The following NCKAP1L variants were observed in gnomAD, a reference collection of about 807,000 sequenced individuals.
NCKAP1L encodes the protein NCK associated protein 1 like.
Under a neutral mutation model 139.2 loss-of-function variants are expected in NCKAP1L, and 53 were observed. The observed-to-expected ratio is 0.38, with a 90% CI of 0.31 to 0.48. The LOEUF (loss-of-function observed/expected upper bound fraction) is 0.48. Among genes scored for constraint, NCKAP1L ranks in the 20% least tolerant of loss-of-function variants. NCKAP1L has a pLI of 0.98. For synonymous variants in NCKAP1L, 468 were observed against 499.7 expected (o/e 0.94, Z 0.85); for missense variants, 1,151 against 1,381.9 (o/e 0.83, Z 2.65).
chr12:54,519,395 C>A, intron 16 of NCKAP1L, 63 bp downstream of exon 16: 1 of 1,237,996 alleles, frequency 8.1e-7, no homozygotes, highest in Non-Finnish European at 1.1e-6. Context: ...ATTTTTTTCT[C>A]CATTATGCCA....
intron 22 of NCKAP1L, among the ~76,000 whole-genome samples, chr12:54,529,586 C>A (rs935975528): frequency 1.3e-5 from 2 of 152,296 alleles, no homozygotes; most frequent in African/African-American, 4.8e-5. Context: ...TTCCCATCAT[C>A]CCGCCTCCAT....
chr12:54,539,860 T>C (rs1957143494), intron 30 of NCKAP1L, among the ~76,000 whole-genome samples: 1 of 152,190 alleles, frequency 6.6e-6, no homozygotes, highest in Admixed American at 6.5e-5. Context: ...AGGGCCTGTG[T>C]TAAACTTCTT....
chr12:54,538,558 T>C (rs1210622685), intron 29 of NCKAP1L, among the ~76,000 whole-genome samples: 1 of 152,204 alleles, frequency 6.6e-6, no homozygotes, highest in Non-Finnish European at 1.5e-5. Context: ...CAGTGGTGTC[T>C]GGAGGCTGCC....
At chr12:54,517,684 C>A (rs766975566) in intron 12 of NCKAP1L, 42 bp downstream of exon 12, 1 of 1,583,136 alleles carries the variant, frequency 6.3e-7, no homozygotes, top group Non-Finnish European at 8.7e-7. Context: ...CTTAGATGGA[C>A]TGGGGACAGG....
chr12:54,512,238 T>A, intron 9 of NCKAP1L, 133 bp downstream of exon 9: 1 of 915,460 alleles, frequency 1.1e-6, no homozygotes, highest in Non-Finnish European at 1.6e-6. Context: ...AAATATACAT[T>A]AAATACCTAC....
Position 54,520,800 on chromosome 12 carries a change from T to G in NCKAP1L, c.1732T>G (p.Cys578Gly). The G allele has an allele frequency of 6.2e-7, 1 of 1,614,190 alleles. No individual in the cohort carries two copies. Among genetic ancestry groups the G allele is most frequent in the Non-Finnish European group, 8.5e-7 (1 of 1,180,028 alleles). The change falls in exon 17 of 31, where the codon TGC (cysteine) becomes GGC (glycine). Residue 578 changes from cysteine to glycine, a missense_variant. Transcript: ENST00000293373. ...CCTGATTTGTGCTCACTTTGTCCAC[T>G]GCACTCATGAGATGTGCCCAGAGGA... ...FPLICAHFVH[C>G]THEMCPEEYP... is the part of the protein sequence containing the mutation.
At position 54,518,642 on chromosome 12, in the gene NCKAP1L, CT is replaced by C. The variant is rs1308275929; in HGVS notation, c.1339-3del. 4 of 1,613,452 alleles carry C rather than the reference CT, an allele frequency of 2.5e-6. No homozygotes were observed. On this transcript the variant is annotated splice_region_variant and splice_polypyrimidine_tract_variant and intron_variant, in intron 13 of 30. Coordinates refer to ENST00000293373, the MANE Select transcript of NCKAP1L (RefSeq NM_005337.5). ...GCCCACTTGACAGTAACTGCAGCTCCTTTTTTAGAACTTGTCTGTGTGTCCA... is the reference window on the plus strand; with the variant it reads ...GCCCACTTGACAGTAACTGCAGCTCCTTTTTAGAACTTGTCTGTGTGTCCA...
At chr12:54,540,295 C>T (rs938495102) in intron 30 of NCKAP1L, among the ~76,000 whole-genome samples, 1 of 152,120 alleles carries the variant, frequency 6.6e-6, no homozygotes, top group African/African-American at 2.4e-5. Flanking sequence ...GATATTTATG[C>T]CTTAGTTTCT....
At position 54,537,099 on chromosome 12, in the gene NCKAP1L, G is replaced by A. The variant is rs749669523; in HGVS notation, c.3183+46G>A. On this transcript the variant is annotated intron_variant, in intron 29 of 30. Coordinates refer to ENST00000293373, the MANE Select transcript of NCKAP1L (RefSeq NM_005337.5). ...AAGAATGGAAGATTGCAAAGGGCTGGAATTGGTTTGACTTAAATCTGTAGA... is the reference window on the plus strand; with the variant it reads ...AAGAATGGAAGATTGCAAAGGGCTGAAATTGGTTTGACTTAAATCTGTAGA... 40 of 1,326,286 alleles carry A rather than the reference G, an allele frequency of 3.0e-5. 1 individual carries two copies. In the South Asian group the frequency reaches 4.7e-4, roughly 16 times the overall value. The allele number at this position is 1,326,286 out of a possible 1,614,324, so 82.2% of individuals were successfully genotyped here. A position where few individuals can be genotyped will look rare whatever the true frequency, so the allele number is the denominator to read the frequency against.
At chr12:54,521,863 G>T (rs1420262053) in intron 18 of NCKAP1L, among the ~76,000 whole-genome samples, 8 of 150,806 alleles carry the variant, frequency 5.3e-5, no homozygotes, top group Admixed American at 4.0e-4. Flanking sequence ...TTTGAGTCAG[G>T]CTTGGTAAAG....
At chr12:54,535,345 A>G in intron 27 of NCKAP1L, 148 bp downstream of exon 27, 1 of 585,638 alleles carries the variant, frequency 1.7e-6, no homozygotes. Flanking sequence ...CCTAACCTTC[A>G]GAAAATACTT....
chr12:54,502,067 C>A (rs535633577), intron 3 of NCKAP1L, among the ~76,000 whole-genome samples: 24 of 150,944 alleles, frequency 1.6e-4, no homozygotes, highest in African/African-American at 6.0e-4. Flanking sequence ...ATTCTTTGAC[C>A]ATTTTTGAAT....
intron 10 of NCKAP1L, among the ~76,000 whole-genome samples, 155 bp downstream of exon 10, chr12:54,516,450 C>G (rs60294924): frequency 0.25 from 35,907 of 145,238 alleles, 4,469 homozygotes; most frequent in Non-Finnish European, 0.26. Context: ...CTTTTCTTTT[C>G]TTTTTTTTTT....
chr12:54,526,660 C>T lies in NCKAP1L; in HGVS notation c.2289C>T (p.Ser763=). The change falls in exon 21 of 31, where the codon TCC becomes TCT. Residue 763 remains serine (S), a synonymous_variant. Coordinates refer to ENST00000293373, the MANE Select transcript of NCKAP1L (RefSeq NM_005337.5). ...CCCAGTTTTTGGGTGCAGATGCTTC[C>T]AGAGTCATCCGCAACGCCCTCCTGC... ...SLAQFLGADA[S]RVIRNALLQQ... 1 of 1,614,136 alleles carries T rather than the reference C, an allele frequency of 6.2e-7. No individual in the cohort carries two copies. Among genetic ancestry groups the T allele is most frequent in the Non-Finnish European group, 8.5e-7 (1 of 1,180,036 alleles).
At chr12:54,506,796 A>AAAAAAAATATATATATATATATATAT in intron 3 of NCKAP1L, among the ~76,000 whole-genome samples, 2 of 50,606 alleles carry the variant, frequency 4.0e-5, no homozygotes, top group African/African-American at 2.2e-4. Flanking sequence ...AAAAAAAAAA[A>AAAAAAAATATATATATATATATATAT]ATATATATAT....
chr12:54,520,746 G>T lies in NCKAP1L; in HGVS notation c.1678G>T (p.Ala560Ser), dbSNP rs763224066. The T allele has an allele frequency of 6.2e-7, 1 of 1,614,010 alleles. No homozygotes were observed. The highest frequency in any genetic ancestry group is 2.2e-5 in the East Asian group (1 of 44,868). ...KMFAMTLEES[A>S]MLRYAIAFPL... ...GTTTGCCATGACCTTGGAGGAATCTGCCATGTTGCGTTATGCCATTGCTTT... is the reference window on the plus strand; with the variant it reads ...GTTTGCCATGACCTTGGAGGAATCTTCCATGTTGCGTTATGCCATTGCTTT... The change falls in exon 17 of 31, where the codon GCC becomes TCC. Residue 560 changes from alanine to serine, a missense_variant. Physicochemically the swap from Ala to Ser is moderately conservative, Grantham distance 99 (BLOSUM62 1). Transcript: ENST00000293373.
chr12:54,533,580 T>C (rs1186234000), intron 26 of NCKAP1L, among the ~76,000 whole-genome samples: 3 of 151,966 alleles, frequency 2.0e-5, no homozygotes, highest in Non-Finnish European at 4.4e-5. Flanking sequence ...TGGGATTCTT[T>C]TTTTTTTTCT....
intron 30 of NCKAP1L, among the ~76,000 whole-genome samples, chr12:54,541,615 G>GT (rs1033299738): frequency 1.2e-4 from 19 of 152,190 alleles, no homozygotes; most frequent in African/African-American, 4.6e-4. Flanking sequence ...GTGTGCATGT[G>GT]TTTGAGAATA....
Position 54,509,951 on chromosome 12 carries a change from C to T in NCKAP1L, c.701C>T (p.Pro234Leu), listed in dbSNP as rs771434106. ...CAACTTCTAAGCCTCATCAGCAACC[C>T]CCCAGCCATGATTAACCCTGCTAAT... ...SAQLLSLISNPPAMINPANSD... is the reference protein window; with the variant it reads ...SAQLLSLISNLPAMINPANSD... Residue 234 changes from proline to leucine, a missense_variant, in exon 7 of 31, where the codon CCC (proline) becomes CTC (leucine). By Grantham distance (98) the Pro-to-Leu change is moderately conservative. Transcript: ENST00000293373. 11 of 1,614,206 alleles carry T rather than the reference C, an allele frequency of 6.8e-6. No individual in the cohort carries two copies. The Admixed American group carries it at 1.5e-4, about 22-fold the overall frequency.
Sources: gnomAD v4.1 joint callset for allele counts (sites outside exome capture counted in the v4.1 genomes callset) on GRCh38, gnomAD v4.1.1 for gene constraint, MANE v1.5 for transcripts, NCBI Gene and HGNC (gene_info 2026-07-23, HGNC 2026-07-21) for gene names.